CRB2: variants seen among roughly 807,000 people sequenced by gnomAD.
The protein encoded by CRB2 is protein crumbs homolog 2.
A neutral mutation model predicts 110.9 loss-of-function variants in CRB2; 85 were observed. The ratio of observed to expected loss-of-function variants is 0.77; its 90% CI spans 0.64 to 0.92. CRB2 has a LOEUF of 0.92. Ranked by LOEUF, CRB2 falls within the 40% of genes least tolerant of loss-of-function variation. CRB2 has a pLI of 0.00. For missense variants in CRB2, 1,843 were observed against 1,851.3 expected (o/e 1.00, Z 0.08); for synonymous variants, 907 against 831.0 (o/e 1.09, Z -1.57).
In CRB2 at chr9:123,373,348, G is replaced by C. The variant is rs148565778; in HGVS notation, c.2817G>C (p.Leu939=). The change falls in exon 10 of 13, where the codon CTG becomes CTC. Residue 939 remains leucine, a synonymous_variant. Transcript: ENST00000373631. ...GGGGCGTGCGCGGAGGCCATGGCCT[G>C]CCCGGCGCTGTGCTGCCCATACCGG... ...LAGGVRGGHG[L]PGAVLPIPGP... The C allele has an allele frequency of 3.4e-3, 4,852 of 1,438,594 alleles. 35 individuals are homozygous for C. Among genetic ancestry groups the C allele is most frequent in the Middle Eastern group, 0.016 (63 of 4,064 alleles). The allele number at this position is 1,438,594 out of a possible 1,614,324, so 89.1% of individuals were successfully genotyped here. A position where few individuals can be genotyped will look rare whatever the true frequency, so the allele number is the denominator to read the frequency against.
At chr9:123,360,490 G>A (rs2041855338) in intron 1 of CRB2, among the ~76,000 whole-genome samples, 1 of 152,150 alleles carries the variant, frequency 6.6e-6, no homozygotes. Context: ...TCTGGCCTGG[G>A]CTATCGTGGC....
chr9:123,372,518 G>A (rs1203290842), intron 9 of CRB2, among the ~76,000 whole-genome samples, 176 bp downstream of exon 9: 1 of 152,256 alleles, frequency 6.6e-6, no homozygotes, highest in Non-Finnish European at 1.5e-5. Context: ...AGGTGAGCCT[G>A]TACTGGGCTT....
chr9:123,370,513 C>T lies in CRB2; in HGVS notation c.1460C>T (p.Ala487Val), dbSNP rs555576780. 2 of 1,613,434 alleles carry T rather than the reference C, an allele frequency of 1.2e-6. No homozygotes were observed. Among genetic ancestry groups the T allele is most frequent in the East Asian group, 4.5e-5 (2 of 44,892 alleles). ...RNDTKESLEL[A>V]LVAATLQATL... ...GACACCAAGGAAAGCTTGGAGCTGG[C>T]ATTGGTGGCAGCCACACTTCAGGCC... Residue 487 changes from alanine (A) to valine (V), a missense_variant, in exon 7 of 13, where the codon GCA (alanine) becomes GTA (valine). Physicochemically the swap from Ala to Val is moderately conservative, Grantham distance 64 (BLOSUM62 0). Coordinates refer to ENST00000373631, the MANE Select transcript of CRB2 (RefSeq NM_173689.7).
chr9:123,377,715 A>T lies in CRB2; in HGVS notation c.*653A>T, dbSNP rs993656090. 6 of 152,230 alleles carry T rather than the reference A, an allele frequency of 3.9e-5. No homozygotes were observed. Among genetic ancestry groups the T allele is most frequent in the African/African-American group, 1.2e-4 (5 of 41,444 alleles). The allele number at this position is 152,230 out of a possible 1,614,324, so 9.4% of individuals were successfully genotyped here. A position where few individuals can be genotyped will look rare whatever the true frequency, so the allele number is the denominator to read the frequency against. Reference sequence around the variant, plus strand: ...TGGCTCCTAGAACAAATGTCCCTTCAGGCAGGTCTGTCTGCCAGAAGCCAG... The same window carrying T: ...TGGCTCCTAGAACAAATGTCCCTTCTGGCAGGTCTGTCTGCCAGAAGCCAG... On this transcript the variant is annotated 3_prime_UTR_variant, in exon 13 of 13. Coordinates refer to ENST00000373631, the MANE Select transcript of CRB2 (RefSeq NM_173689.7).
Position 123,370,210 on chromosome 9 carries a change from AGACCTGGGGTGGGCGC to A in CRB2, c.1161_1176del (p.Trp388ValfsTer51). The A allele has an allele frequency of 6.2e-7, 1 of 1,613,156 alleles. No individual in the cohort carries two copies. Among genetic ancestry groups the A allele is most frequent in the Admixed American group, 1.7e-5 (1 of 60,030 alleles). ...GCAGGCTATATCTGCAGGTGCCCAG[AGACCTGGGGTGGGCGC>A]GACTGTTCTGTGCAGCTCACTGGCT... On this transcript the variant is annotated frameshift_variant, in exon 7 of 13. Transcript: ENST00000373631. LOFTEE classifies it high-confidence loss of function.
At chr9:123,368,293 T>C (rs1258498366) in intron 6 of CRB2, among the ~76,000 whole-genome samples, 5 of 152,076 alleles carry the variant, frequency 3.3e-5, no homozygotes, top group African/African-American at 1.2e-4. Context: ...AAAGAGATGG[T>C]GGTCACCTCT....
chr9:123,374,550 A>C, intron 10 of CRB2, 29 bp from the exon 11 acceptor site: 1 of 1,549,346 alleles, frequency 6.5e-7, no homozygotes, highest in Non-Finnish European at 8.9e-7. Context: ...GGTGTCCTGC[A>C]CCCACTCCAG....
At position 123,367,359 on chromosome 9, in the gene CRB2, T is replaced by C. The variant is rs200900350; in HGVS notation, c.940+2T>C. 3.1e-6 allele frequency: 5 copies of C among 1,598,200 alleles called. No individual in the cohort carries two copies. The highest frequency in any genetic ancestry group is 1.3e-5 in the African/African-American group (1 of 74,546). ...GCCACTGCCCTCCTGGCTTTGAGGG[T>C]GAGCCCCTGCTGGGGAAGCGGTCAG... On this transcript the variant is annotated splice_donor_variant, in intron 5 of 12. Transcript: ENST00000373631. LOFTEE classifies it high-confidence loss of function.
At position 123,373,903 on chromosome 9, in the gene CRB2, C is replaced by T. The variant is rs778336513; in HGVS notation, c.3372C>T (p.Phe1124=). The change falls in exon 10 of 13, where the codon TTC becomes TTT. Residue 1124 remains phenylalanine, a synonymous_variant. Coordinates refer to ENST00000373631, the MANE Select transcript of CRB2 (RefSeq NM_173689.7). ...TCGAGTGCCGCTGCCCGCCTGGCTT[C>T]GGGGGCCCGCGCTGCAGGTGGGATG... The part of the protein sequence containing the change: ...GRFECRCPPG[F]GGPRCRLPVP... The T allele has an allele frequency of 3.2e-6, 5 of 1,548,332 alleles. No individual in the cohort carries two copies. The Admixed American group carries it at 5.8e-5, about 18-fold the overall frequency.
At position 123,378,097 on chromosome 9, in the gene CRB2, ATGAC is replaced by A. The variant is rs2042132165; in HGVS notation, c.*1038_*1041del. 6.6e-6 allele frequency: 1 copy of A among 152,398 alleles called. No homozygotes were observed. Among genetic ancestry groups the A allele is most frequent in the Non-Finnish European group, 1.5e-5 (1 of 68,232 alleles). The allele number at this position is 152,398 out of a possible 1,614,324, so 9.4% of individuals were successfully genotyped here. ...CCTGGTGAGCTCACTCCTTCCCCTG[ATGAC>A]TGGCTGCCTCTACACAGACTCGGCG... On this transcript the variant is annotated 3_prime_UTR_variant, in exon 13 of 13. Transcript: ENST00000373631.
In CRB2 at chr9:123,362,917, A is replaced by C; in HGVS notation, c.147A>C (p.Pro49=). The C allele has an allele frequency of 1.9e-6, 3 of 1,600,690 alleles. No homozygotes were observed. The highest frequency in any genetic ancestry group is 2.6e-6 in the Non-Finnish European group (3 of 1,169,618). The change falls in exon 2 of 13, where the codon CCA becomes CCC. Residue 49 remains proline, a synonymous_variant. Transcript: ENST00000373631. ...CCTGTGCCTCAGACCCGTGCGCTCC[A>C]GGGACCGAGTGCCAGGCTACCGAGA... ...PSACASDPCA[P]GTECQATESG...
Position 123,376,977 on chromosome 9 carries a change from A to G in CRB2, c.3773A>G (p.Tyr1258Cys). 6.2e-7 allele frequency: 1 copy of G among 1,608,720 alleles called. No individual in the cohort carries two copies. The highest frequency in any genetic ancestry group is 2.2e-5 in the East Asian group (1 of 44,712). The change falls in exon 13 of 13, where the codon TAC becomes TGC. Residue 1258 changes from tyrosine to cysteine, a missense_variant. By Grantham distance (194) the Tyr-to-Cys change is radical. Coordinates refer to ENST00000373631, the MANE Select transcript of CRB2 (RefSeq NM_173689.7). ...ARKRRQSEGTYSPSQQEVAGA... is the reference protein window; with the variant it reads ...ARKRRQSEGTCSPSQQEVAGA... ...AAGCGCCGCCAGTCTGAGGGCACCTACAGCCCAAGCCAGCAGGAGGTGGCT... is the reference window on the plus strand; with the variant it reads ...AAGCGCCGCCAGTCTGAGGGCACCTGCAGCCCAAGCCAGCAGGAGGTGGCT...
At chr9:123,354,608 C>T (rs557434890), upstream of CRB2, among the ~76,000 whole-genome samples, 14 of 152,326 alleles carry the variant, frequency 9.2e-5, no homozygotes, top group Non-Finnish European at 1.3e-4. Context: ...TCTGCTTTTC[C>T]TGTGGCATGG....
intron 12 of CRB2, among the ~76,000 whole-genome samples, chr9:123,375,849 C>A (rs980515497): frequency 2.6e-5 from 4 of 152,018 alleles, no homozygotes; most frequent in Non-Finnish European, 5.9e-5. Context: ...CCTGGACAGA[C>A]GAAGGCAGCA....
chr9:123,375,516 C>G (rs570871124), intron 12 of CRB2, among the ~76,000 whole-genome samples, 173 bp downstream of exon 12: 1 of 152,150 alleles, frequency 6.6e-6, no homozygotes, highest in African/African-American at 2.4e-5. Context: ...AGAGGTATTT[C>G]CACTGCAGGG....
intron 10 of CRB2, among the ~76,000 whole-genome samples, 196 bp from the exon 11 acceptor site, chr9:123,374,383 G>C (rs1266947984): frequency 6.7e-6 from 1 of 150,316 alleles, no homozygotes; most frequent in African/African-American, 2.5e-5. Context: ...GTTGTCCTGA[G>C]TCCTCTGAGA....
chr9:123,364,771 C>T (rs1375848801), intron 2 of CRB2, among the ~76,000 whole-genome samples: 11 of 152,324 alleles, frequency 7.2e-5, no homozygotes, highest in East Asian at 5.8e-4. Context: ...TGGGACTCCC[C>T]ATCTCCCTTC....
At chr9:123,379,027 G>A (rs1042954363), downstream of CRB2, among the ~76,000 whole-genome samples, 4 of 151,862 alleles carry the variant, frequency 2.6e-5, 1 homozygote, top group South Asian at 8.4e-4. Flanking sequence ...GACCGACCTC[G>A]TGATCCACCT....
At chr9:123,367,439 C>CG in intron 5 of CRB2, 82 bp downstream of exon 5, 9 of 986,932 alleles carry the variant, frequency 9.1e-6, no homozygotes, top group Non-Finnish European at 1.2e-5. Flanking sequence ...ACCCCCCCCA[C>CG]CCCCCCACCC....
Sources: gnomAD v4.1 joint callset for allele counts (sites outside exome capture counted in the v4.1 genomes callset) on GRCh38, gnomAD v4.1.1 for gene constraint, MANE v1.5 for transcripts, NCBI Gene and HGNC (gene_info 2026-07-23, HGNC 2026-07-21) for gene names.